The following RAPGEF6 variants were observed in gnomAD, a reference collection of about 807,000 sequenced individuals.
RAPGEF6 encodes PDZ domain containing guanine nucleotide exchange factor (GEF) 2.
Under a neutral mutation model 171.4 loss-of-function variants are expected in RAPGEF6, and 56 were observed. The observed-to-expected ratio is 0.33, with a 90% CI of 0.26 to 0.41. The LOEUF is 0.41. RAPGEF6 is among the 10% of genes least tolerant of loss of function. The probability of loss-of-function intolerance (pLI) is 1.00; values close to 1 mark genes in which losing one functional copy is unlikely to be tolerated. For missense variants in RAPGEF6, 1,674 were observed against 1,921.4 expected (o/e 0.87, Z 2.41); for synonymous variants, 692 against 650.1 (o/e 1.06, Z -0.98).
chr5:131,577,928 AC>A (rs1025944244), intron 4 of RAPGEF6, among the ~76,000 whole-genome samples: 1 of 151,890 alleles, frequency 6.6e-6, no homozygotes, highest in African/African-American at 2.4e-5. Context: ...TTACGCAGTC[AC>A]CCCCACTACT....
chr5:131,617,417 A>G (rs1765336821), intron 1 of RAPGEF6, among the ~76,000 whole-genome samples: 1 of 152,254 alleles, frequency 6.6e-6, no homozygotes, highest in African/African-American at 2.4e-5. Flanking sequence ...AACGTTTATT[A>G]TCTGTACCAC....
intron 3 of RAPGEF6, among the ~76,000 whole-genome samples, chr5:131,601,338 T>C (rs1764243466): frequency 7.1e-6 from 1 of 141,110 alleles, no homozygotes; most frequent in Non-Finnish European, 1.5e-5. Flanking sequence ...TGAGCCAAGG[T>C]CACACCATTG....
intron 6 of RAPGEF6, among the ~76,000 whole-genome samples, chr5:131,536,494 T>C (rs1302996688): frequency 6.6e-6 from 1 of 152,162 alleles, no homozygotes; most frequent in Non-Finnish European, 1.5e-5. Flanking sequence ...TGCTTCAGCA[T>C]ACTGTCATAT....
chr5:131,536,183 T>C (rs895802640), intron 6 of RAPGEF6, among the ~76,000 whole-genome samples: 1 of 152,212 alleles, frequency 6.6e-6, no homozygotes, highest in Non-Finnish European at 1.5e-5. Context: ...ACTTAAATTG[T>C]ACTGATTTAC....
intron 11 of RAPGEF6, among the ~76,000 whole-genome samples, chr5:131,502,171 C>G (rs1757065323): frequency 6.6e-6 from 1 of 152,024 alleles, no homozygotes; most frequent in Non-Finnish European, 1.5e-5. Flanking sequence ...AAGTTTATAC[C>G]AATATAAATA....
chr5:131,533,212 ACC>A (rs35249777), intron 6 of RAPGEF6, among the ~76,000 whole-genome samples: 2 of 142,202 alleles, frequency 1.4e-5, no homozygotes, highest in African/African-American at 2.6e-5. Context: ...ACACACACAC[ACC>A]CCATCCTCCT....
intron 17 of RAPGEF6, among the ~76,000 whole-genome samples, chr5:131,465,242 A>G (rs889421584): frequency 1.3e-5 from 2 of 152,130 alleles, no homozygotes; most frequent in African/African-American, 4.8e-5. Flanking sequence ...GATTTCTGCT[A>G]TTAGTAGAAA....
chr5:131,562,771 C>T (rs1438380786), intron 4 of RAPGEF6, among the ~76,000 whole-genome samples: 1 of 151,998 alleles, frequency 6.6e-6, no homozygotes, highest in African/African-American at 2.4e-5. Context: ...AGAGATGCAA[C>T]CATCCATTTT....
Position 131,433,508 on chromosome 5 carries a change from GC to G in RAPGEF6, c.3895del (p.Ala1299GlnfsTer18). ...QDERCSSQAL[A>X]VPESTGALEK... Reference sequence around the variant, plus strand: ...CAATGCCCCAGTGGATTCAGGGACTGCCAGGGCCTGAGAGGAACACCGTTCA... The same window carrying G: ...CAATGCCCCAGTGGATTCAGGGACTGCAGGGCCTGAGAGGAACACCGTTCA... On this transcript the variant is annotated frameshift_variant, in exon 25 of 28. Transcript: ENST00000509018. LOFTEE classifies it high-confidence loss of function. 1 of 1,613,942 alleles carries G rather than the reference GC, an allele frequency of 6.2e-7. No individual in the cohort carries two copies. The highest frequency in any genetic ancestry group is 8.5e-7 in the Non-Finnish European group (1 of 1,179,836).
intron 4 of RAPGEF6, among the ~76,000 whole-genome samples, chr5:131,580,316 G>C (rs551082490): frequency 3.9e-5 from 6 of 152,246 alleles, no homozygotes; most frequent in South Asian, 4.1e-4. Context: ...AGCACCAGCC[G>C]GTCACTCCGA....
chr5:131,602,616 C>T (rs1446573143), intron 3 of RAPGEF6, among the ~76,000 whole-genome samples: 1 of 152,084 alleles, frequency 6.6e-6, no homozygotes, highest in Non-Finnish European at 1.5e-5. Flanking sequence ...CAAAAAGTAG[C>T]CAGGCATGGC....
chr5:131,449,928 C>A, intron 21 of RAPGEF6: 2 of 1,301,282 alleles, frequency 1.5e-6, no homozygotes, highest in South Asian at 2.6e-5. Flanking sequence ...TAATAGAATT[C>A]ATGCTATTTT....
intron 20 of RAPGEF6, among the ~76,000 whole-genome samples, chr5:131,455,547 C>A (rs1753428459): frequency 6.6e-6 from 1 of 152,150 alleles, no homozygotes; most frequent in African/African-American, 2.4e-5. Flanking sequence ...CGTGAGCCAC[C>A]GCGTCCAGCT....
At chr5:131,466,819 T>C (rs1447060156) in intron 17 of RAPGEF6, among the ~76,000 whole-genome samples, 1 of 152,208 alleles carries the variant, frequency 6.6e-6, no homozygotes, top group African/African-American at 2.4e-5. Flanking sequence ...TACCCTGTGC[T>C]AGAAGATTAT....
At chr5:131,533,147 C>T (rs3776011) in intron 6 of RAPGEF6, 95,437 of 150,136 alleles carry the variant, frequency 0.64, 32,162 homozygotes, top group Non-Finnish European at 0.77. Flanking sequence ...GATGTAGCCC[C>T]AAGAGCAATT....
intron 1 of RAPGEF6, among the ~76,000 whole-genome samples, chr5:131,620,857 G>A (rs556297719): frequency 1.8e-4 from 27 of 152,280 alleles, no homozygotes; most frequent in African/African-American, 6.3e-4. Context: ...CTCTCAAAGT[G>A]CTGAGATTAC....
At chr5:131,513,941 T>C (rs927961610) in intron 7 of RAPGEF6, among the ~76,000 whole-genome samples, 4 of 152,082 alleles carry the variant, frequency 2.6e-5, no homozygotes, top group African/African-American at 7.2e-5. Context: ...GGTGGGAGGA[T>C]TGCTTAAGCC....
intron 24 of RAPGEF6, among the ~76,000 whole-genome samples, chr5:131,434,174 T>C (rs948100534): frequency 6.6e-6 from 1 of 152,248 alleles, no homozygotes; most frequent in African/African-American, 2.4e-5. Flanking sequence ...TCAAACTATA[T>C]ATACTTACCC....
At chr5:131,507,147 CTT>C (rs1757420551) in intron 9 of RAPGEF6, among the ~76,000 whole-genome samples, 1 of 144,082 alleles carries the variant, frequency 6.9e-6, no homozygotes, top group African/African-American at 2.6e-5. Context: ...CCAATTTTTA[CTT>C]ATATATATAA....
Sources: allele counts gnomAD v4.1 joint callset (sites outside exome capture counted in the v4.1 genomes callset), GRCh38; gene constraint gnomAD v4.1.1; transcripts MANE v1.5; gene names NCBI Gene and HGNC (gene_info 2026-07-23, HGNC 2026-07-21).